NSD1: variants seen among roughly 807,000 people sequenced by gnomAD.
The protein encoded by NSD1 is nuclear receptor binding SET domain protein 1.
A neutral mutation model predicts 242.7 loss-of-function variants in NSD1; 26 were observed. That is an observed-to-expected ratio of 0.11 (90% CI 0.08 to 0.15). NSD1 has a LOEUF of 0.15. Among genes scored for constraint, NSD1 ranks in the 10% least tolerant of loss-of-function variants. The pLI, the probability that NSD1 is intolerant of heterozygous loss-of-function variation, is 1.00. For synonymous variants in NSD1, 1,106 were observed against 1,178.1 expected (o/e 0.94, Z 1.25); for missense variants, 2,495 against 3,272.8 (o/e 0.76, Z 5.80).
chr5:177,226,311 A>C (rs570049815), intron 5 of NSD1, among the ~76,000 whole-genome samples: 1 of 152,164 alleles, frequency 6.6e-6, no homozygotes, highest in Non-Finnish European at 1.5e-5. Context: ...CTGGGATTAC[A>C]TGCGTGAGCC....
At chr5:177,155,743 A>G (rs1029589439) in intron 2 of NSD1, among the ~76,000 whole-genome samples, 5 of 151,826 alleles carry the variant, frequency 3.3e-5, no homozygotes, top group Non-Finnish European at 5.9e-5. Context: ...CTAGAGTGCA[A>G]TGACACAATC....
chr5:177,241,168 T>C (rs1445891859), intron 8 of NSD1, among the ~76,000 whole-genome samples: 1 of 152,074 alleles, frequency 6.6e-6, no homozygotes, highest in Non-Finnish European at 1.5e-5. Flanking sequence ...TCCCCCATAT[T>C]GATGTCCAGT....
intron 2 of NSD1, among the ~76,000 whole-genome samples, chr5:177,174,620 G>A (rs35571990): frequency 0.14 from 20,420 of 151,236 alleles, 1,882 homozygotes; most frequent in East Asian, 0.51. Flanking sequence ...GTGCAATGGC[G>A]TGATCTTGGC....
chr5:177,193,891 C>T (rs1761896672), intron 3 of NSD1, among the ~76,000 whole-genome samples: 1 of 152,090 alleles, frequency 6.6e-6, no homozygotes, highest in Admixed American at 6.6e-5. Flanking sequence ...TCTCCTCCTG[C>T]CTCAGCCTCC....
chr5:177,282,020 G>A (rs1024209529), intron 18 of NSD1, among the ~76,000 whole-genome samples: 4 of 152,210 alleles, frequency 2.6e-5, no homozygotes, highest in Non-Finnish European at 5.9e-5. Context: ...TGCAGGTTAG[G>A]AGTGAACACG....
intron 2 of NSD1, among the ~76,000 whole-genome samples, chr5:177,183,736 C>T (rs917511638): frequency 3.9e-5 from 6 of 152,030 alleles, no homozygotes; most frequent in African/African-American, 1.2e-4. Context: ...TTTGGACTTA[C>T]TGAATCATCT....
At chr5:177,218,882 T>C (rs1363923053) in intron 5 of NSD1, among the ~76,000 whole-genome samples, 2 of 152,036 alleles carry the variant, frequency 1.3e-5, no homozygotes, top group Non-Finnish European at 1.5e-5. Context: ...CCTTTTTTTT[T>C]TCTCCAGCTG....
intron 3 of NSD1, among the ~76,000 whole-genome samples, chr5:177,201,292 C>T (rs1762493219): frequency 1.3e-5 from 2 of 151,978 alleles, no homozygotes; most frequent in South Asian, 2.1e-4. Flanking sequence ...TCACTGCAAC[C>T]TCTGCCTCCT....
intron 5 of NSD1, among the ~76,000 whole-genome samples, chr5:177,216,347 A>G (rs1452917611): frequency 6.7e-6 from 1 of 148,542 alleles, no homozygotes; most frequent in African/African-American, 2.5e-5. Context: ...TTTTTTTTCC[A>G]TTTTTGCTTT....
At chr5:177,154,735 G>A (rs894074324) in intron 2 of NSD1, among the ~76,000 whole-genome samples, 18 of 151,822 alleles carry the variant, frequency 1.2e-4, no homozygotes, top group African/African-American at 3.6e-4. Context: ...TCCCTCTGTC[G>A]CCCCAGCTGG....
Position 177,299,743 on chromosome 5 carries a change from G to C in NSD1, c.*4284G>C, listed in dbSNP as rs756879951. The C allele has an allele frequency of 1.7e-5, 4 of 233,222 alleles. No homozygotes were observed. The highest frequency in any genetic ancestry group is 2.5e-5 in the Non-Finnish European group (3 of 118,070). 14.4% of individuals were successfully genotyped at this position (233,222 alleles called of 1,614,324 possible). A position where few individuals can be genotyped will look rare whatever the true frequency, so the allele number is the denominator to read the frequency against. ...ATCAGGTTATTGTGGGGCTTCAGGT[G>C]TAAGGTCCTGGAAGTTCAGCAAAGT... On this transcript the variant is annotated 3_prime_UTR_variant, in exon 23 of 23. Coordinates refer to ENST00000439151, the MANE Select transcript of NSD1 (RefSeq NM_022455.5).
chr5:177,286,502 T>C (rs1759338768), intron 20 of NSD1, among the ~76,000 whole-genome samples: 1 of 152,212 alleles, frequency 6.6e-6, no homozygotes, highest in Non-Finnish European at 1.5e-5. Context: ...TGATACGGAA[T>C]ACCAGATACG....
At chr5:177,136,965 T>G in intron 2 of NSD1, 1 of 697,742 alleles carries the variant, frequency 1.4e-6, no homozygotes, top group East Asian at 2.7e-5. Context: ...AGTTTCAGAT[T>G]TTGAAGTGTG....
At chr5:177,239,683 G>A (rs974693090) in intron 7 of NSD1, 73 bp from the exon 8 acceptor site, 1 of 841,612 alleles carries the variant, frequency 1.2e-6, no homozygotes, top group Non-Finnish European at 2.0e-6. Context: ...ATTTTGTGTG[G>A]TATACAGATT....
intron 2 of NSD1, among the ~76,000 whole-genome samples, chr5:177,156,495 G>T (rs1054947331): frequency 1.3e-5 from 2 of 152,128 alleles, no homozygotes; most frequent in South Asian, 4.1e-4. Context: ...ATTTTTAAGA[G>T]AATTTTTGTT....
chr5:177,171,180 G>A (rs1048478271), intron 2 of NSD1, among the ~76,000 whole-genome samples: 20 of 151,886 alleles, frequency 1.3e-4, no homozygotes, highest in African/African-American at 4.4e-4. Context: ...TTAGTAGTGC[G>A]CCTGTAGTCC....
intron 2 of NSD1, among the ~76,000 whole-genome samples, chr5:177,150,142 T>C (rs1757584118): frequency 6.6e-6 from 1 of 151,918 alleles, no homozygotes; most frequent in South Asian, 2.1e-4. Flanking sequence ...ATTTATTTAT[T>C]TATTTTTTTG....
At chr5:177,259,143 T>C (rs1012938659) in intron 13 of NSD1, among the ~76,000 whole-genome samples, 13 of 152,248 alleles carry the variant, frequency 8.5e-5, no homozygotes, top group Non-Finnish European at 1.9e-4. Flanking sequence ...AAAAACCCAA[T>C]ACTGTATCTC....
At chr5:177,143,868 T>C (rs1335499719) in intron 2 of NSD1, among the ~76,000 whole-genome samples, 1 of 140,292 alleles carries the variant, frequency 7.1e-6, no homozygotes, top group East Asian at 2.3e-4. Context: ...CACTGCAACC[T>C]CCACCTCATG....
Sources: allele counts gnomAD v4.1 joint callset (sites outside exome capture counted in the v4.1 genomes callset), GRCh38; gene constraint gnomAD v4.1.1; transcripts MANE v1.5; gene names NCBI Gene and HGNC (gene_info 2026-07-23, HGNC 2026-07-21).